The following MID2 variants were observed in gnomAD, a reference collection of about 807,000 sequenced individuals.
The protein encoded by MID2 is midline 2.
Under a neutral mutation model 46.1 loss-of-function variants are expected in MID2, and 13 were observed. That is an observed-to-expected ratio of 0.28 (90% confidence interval 0.18 to 0.45). The LOEUF (loss-of-function observed/expected upper bound fraction) is 0.45. Ranked by LOEUF, MID2 falls within the 20% of genes least tolerant of loss-of-function variation. MID2 has a pLI of 1.00. For synonymous variants in MID2, 199 were observed against 212.3 expected (o/e 0.94, Z 0.55); for missense variants, 431 against 575.4 (o/e 0.75, Z 2.57).
chrX:107,846,074 T>A (rs1449553993), intron 2 of MID2, among the ~76,000 whole-genome samples: 1 of 111,280 alleles, frequency 9.0e-6, no homozygotes, highest in Non-Finnish European at 1.9e-5. Context: ...TGAGAGTGTG[T>A]AAATCTTCTG....
intron 7 of MID2, among the ~76,000 whole-genome samples, chrX:107,918,352 TG>T (rs1933008438): frequency 9.0e-6 from 1 of 111,686 alleles, no homozygotes; most frequent in African/African-American, 3.3e-5. Context: ...CAGTGAGGGC[TG>T]GGGTGAGGGA....
At chrX:107,885,016 G>A (rs1430337288) in intron 3 of MID2, among the ~76,000 whole-genome samples, 1 of 111,854 alleles carries the variant, frequency 8.9e-6, no homozygotes, top group Non-Finnish European at 1.9e-5. Flanking sequence ...CAGTAACAAT[G>A]TATTAAGATG....
chrX:107,825,793 A>C, upstream of MID2: 1 of 178,020 alleles, frequency 5.6e-6, no homozygotes. Flanking sequence ...GGCTGCTGGA[A>C]TCAGCTGGTA....
chrX:107,912,034 A>G (rs1003376384), intron 5 of MID2, among the ~76,000 whole-genome samples: 1 of 112,018 alleles, frequency 8.9e-6, no homozygotes, highest in Non-Finnish European at 1.9e-5. Context: ...TCTCTGGTTT[A>G]GTGTGCATGG....
chrX:107,842,093 G>A (rs1931360255), intron 2 of MID2, among the ~76,000 whole-genome samples: 1 of 112,524 alleles, frequency 8.9e-6, no homozygotes, highest in South Asian at 3.6e-4. Flanking sequence ...AATTTAAACT[G>A]AAGGCAATAA....
intron 3 of MID2, among the ~76,000 whole-genome samples, chrX:107,870,495 G>C (rs1223585841): frequency 9.0e-6 from 1 of 111,273 alleles, no homozygotes; most frequent in East Asian, 2.8e-4. Flanking sequence ...TTCCAATCTG[G>C]TCTAAAGTTA....
At chrX:107,886,018 A>G (rs1277647434) in intron 3 of MID2, among the ~76,000 whole-genome samples, 8 of 111,845 alleles carry the variant, frequency 7.2e-5, no homozygotes, top group African/African-American at 2.6e-4. Context: ...GATTCTGGAT[A>G]TTAGCCCTTT....
intron 6 of MID2, 42 bp downstream of exon 6, chrX:107,916,171 C>G: frequency 9.8e-7 from 1 of 1,017,312 alleles, no homozygotes; most frequent in South Asian, 2.9e-5. Flanking sequence ...AATTTTTTTT[C>G]TTCTGGTATG....
intron 3 of MID2, among the ~76,000 whole-genome samples, chrX:107,869,590 G>T (rs140057404): frequency 0.02 from 2,228 of 110,905 alleles, 64 homozygotes; most frequent in African/African-American, 0.069. Context: ...CCAGAATCAC[G>T]GTATATCTTT....
rs867414327 is a variant in MID2, at chrX:107,850,212, A to T, written c.721-4397A>T. ...CAGACACACACACACACACACACAC[A>T]CACACCCTCTTTGTTTACTCAGCCA... On this transcript the variant is annotated intron_variant, in intron 2 of 9. Transcript: ENST00000262843. Among the ~76,000 whole-genome samples, 4 of 101,265 alleles carry T rather than the reference A, an allele frequency of 4.0e-5. No individual in the cohort carries two copies. The Admixed American group carries it at 4.0e-4, about 10-fold the overall frequency. The allele number at this position is 101,265 out of a possible 115,157, so 87.9% of individuals were successfully genotyped here. A position where few individuals can be genotyped will look rare whatever the true frequency, so the allele number is the denominator to read the frequency against.
At chrX:107,852,017 C>T (rs1402049287) in intron 2 of MID2, among the ~76,000 whole-genome samples, 5 of 111,161 alleles carry the variant, frequency 4.5e-5, no homozygotes, top group African/African-American at 9.8e-5. Context: ...CTCAGCCTCC[C>T]GAGTAGCTGA....
chrX:107,903,368 T>C (rs1932810218), intron 3 of MID2, among the ~76,000 whole-genome samples: 1 of 110,104 alleles, frequency 9.1e-6, no homozygotes, highest in South Asian at 4.0e-4. Flanking sequence ...AAAGATGTTT[T>C]GATGTAGCCA....
Position 107,904,002 on chromosome X carries a change from C to T in MID2, c.861C>T (p.Asp287=), listed in dbSNP as rs745538329. 9 of 1,208,319 alleles carry T rather than the reference C, an allele frequency of 7.4e-6. No individual in the cohort carries two copies. Among genetic ancestry groups the T allele is most frequent in the East Asian group, 5.9e-5 (2 of 33,752 alleles). ...MHEAKLMEEC[D]ELVEIIQQRK... ...AGGCAAAACTTATGGAAGAATGTGA[C>T]GAGTTGGTAGAGATCATCCAGCAGA... Residue 287 remains aspartate (D), a synonymous_variant, in exon 4 of 10, where the codon GAC becomes GAT. Coordinates refer to ENST00000262843, the MANE Select transcript of MID2 (RefSeq NM_012216.4).
chrX:107,827,896 CTTGAT>C (rs939193311), intron 1 of MID2, among the ~76,000 whole-genome samples: 2 of 112,208 alleles, frequency 1.8e-5, no homozygotes, highest in African/African-American at 6.5e-5. Context: ...CTCCTCACAA[CTTGAT>C]TTATGTGTTT....
At chrX:107,882,151 T>C (rs1292994932) in intron 3 of MID2, among the ~76,000 whole-genome samples, 7 of 112,203 alleles carry the variant, frequency 6.2e-5, no homozygotes. Flanking sequence ...TGGCTAGCCA[T>C]ATGTAGAAAG....
At position 107,887,768 on chromosome X, in the gene MID2, T is replaced by C. The variant is rs28897135; in HGVS notation, c.817-16190T>C. ...CCATCCGATCCTGGACTTTTTTTGG[T>C]TTGTAAGCTATTAATTATTGCCTCA... On this transcript the variant is annotated intron_variant, in intron 3 of 9. Coordinates refer to ENST00000262843, the MANE Select transcript of MID2 (RefSeq NM_012216.4). Among the ~76,000 whole-genome samples, 5 of 111,969 alleles carry C rather than the reference T, an allele frequency of 4.5e-5. No homozygotes were observed. In the Admixed American group the frequency reaches 4.7e-4, roughly 11 times the overall value.
intron 3 of MID2, among the ~76,000 whole-genome samples, chrX:107,877,658 C>T (rs1208110570): frequency 8.9e-6 from 1 of 112,015 alleles, no homozygotes; most frequent in East Asian, 2.8e-4. Flanking sequence ...ATCCCCTTTA[C>T]TGCCGGCAAC....
At chrX:107,910,662 T>A (rs1391138038) in intron 5 of MID2, among the ~76,000 whole-genome samples, 1 of 102,491 alleles carries the variant, frequency 9.8e-6, no homozygotes, top group African/African-American at 3.5e-5. Context: ...CACCAGCACT[T>A]ATCCTTCCTC....
At chrX:107,858,233 C>G (rs1931785537) in intron 3 of MID2, among the ~76,000 whole-genome samples, 1 of 111,750 alleles carries the variant, frequency 8.9e-6, no homozygotes, top group African/African-American at 3.3e-5. Context: ...GGCTGGAGAG[C>G]ATGGGAAGGA....
Sources: allele counts gnomAD v4.1 joint callset (sites outside exome capture counted in the v4.1 genomes callset), GRCh38; gene constraint gnomAD v4.1.1; transcripts MANE v1.5; gene names NCBI Gene and HGNC (gene_info 2026-07-23, HGNC 2026-07-21).